The following CEP350 variants were observed in gnomAD, a reference collection of about 807,000 sequenced individuals.
CEP350 encodes the protein centrosomal protein 350.
In CEP350, 126 loss-of-function variants were observed where a neutral mutation model predicts 331.8. The ratio of observed to expected loss-of-function variants is 0.38; its 90% CI spans 0.33 to 0.44. CEP350 has a LOEUF of 0.44. Ranked by LOEUF, CEP350 falls within the 20% of genes least tolerant of loss-of-function variation. CEP350 has a pLI of 1.00. For synonymous variants in CEP350, 1,200 were observed against 1,259.5 expected (o/e 0.95, Z 1.00); for missense variants, 3,406 against 3,634.6 (o/e 0.94, Z 1.62).
intron 1 of CEP350, among the ~76,000 whole-genome samples, chr1:179,975,667 C>A (rs1651810234): frequency 1.3e-5 from 2 of 152,066 alleles, no homozygotes; most frequent in Admixed American, 6.5e-5. Flanking sequence ...GAATTGGATG[C>A]ATGTTAATCC....
intron 4 of CEP350, among the ~76,000 whole-genome samples, chr1:179,991,730 T>C: frequency 6.7e-6 from 1 of 149,302 alleles, no homozygotes; most frequent in African/African-American, 2.5e-5. Flanking sequence ...TATATACATT[T>C]TTTTTTAACC....
At position 180,093,924 on chromosome 1, in the gene CEP350, G is replaced by C; in HGVS notation, c.7819G>C (p.Asp2607His). The change falls in exon 34 of 38, where the codon GAT becomes CAT. Residue 2607 changes from aspartate (D) to histidine (H), a missense_variant. Around this residue, in one of 5 missense-constraint regions of CEP350, gnomAD observed 1,415 missense variants for 1,512.3 expected, o/e 0.94. Transcript: ENST00000367607. The stretch of plus-strand genomic sequence containing the variant: ...AGAGGGTCCAAAAGACAGAGAAAAG[G>C]ATGTCAGTGAATATTTTTATGAGAA... ...DTEGPKDREKDVSEYFYEKSL... is the reference protein window; with the variant it reads ...DTEGPKDREKHVSEYFYEKSL... 6.2e-7 allele frequency: 1 copy of C among 1,613,840 alleles called. No homozygotes were observed.
chr1:180,014,825 C>T (rs1654869518), intron 10 of CEP350, among the ~76,000 whole-genome samples: 1 of 152,190 alleles, frequency 6.6e-6, no homozygotes, highest in Non-Finnish European at 1.5e-5. Flanking sequence ...GTTGGGGTGC[C>T]AACCCCTTTG....
chr1:180,032,960 A>G (rs1656116994), intron 15 of CEP350, among the ~76,000 whole-genome samples: 1 of 152,176 alleles, frequency 6.6e-6, no homozygotes, highest in Admixed American at 6.5e-5. Flanking sequence ...AAATAAACAC[A>G]TGAGTGCCTC....
intron 31 of CEP350, among the ~76,000 whole-genome samples, chr1:180,085,114 TCCCTTTCCCTTCCCCTTTCCCCTTC>T (rs1223907891): frequency 1.3e-5 from 2 of 149,922 alleles, no homozygotes; most frequent in African/African-American, 4.9e-5. Flanking sequence ...CTTTCCCCTT[TCCCTTTCCCTTCCCCTTTCCCCTTC>T]CCTTCCCTTA....
chr1:180,107,831 A>AAAACG (rs1175762721), intron 37 of CEP350, among the ~76,000 whole-genome samples: 2 of 32,258 alleles, frequency 6.2e-5, no homozygotes, highest in Non-Finnish European at 2.4e-4. Context: ...TGCTCCCAAA[A>AAAACG]AAACAAAACA....
intron 11 of CEP350, 50 bp downstream of exon 11, chr1:180,016,020 G>A (rs1408452303): frequency 6.2e-7 from 1 of 1,605,920 alleles, no homozygotes; most frequent in African/African-American, 1.3e-5. Context: ...ATGAAATTTA[G>A]CGGAGTGGTC....
At chr1:180,053,701 T>A (rs781218211) in intron 23 of CEP350, 49 bp from the exon 24 acceptor site, 1 of 1,136,322 alleles carries the variant, frequency 8.8e-7, no homozygotes, top group East Asian at 2.4e-5. Context: ...TGGAATTAAG[T>A]ACCAAAAGGT....
At chr1:180,011,289 T>C (rs959313849) in intron 8 of CEP350, among the ~76,000 whole-genome samples, 3 of 151,270 alleles carry the variant, frequency 2.0e-5, no homozygotes, top group Admixed American at 1.3e-4. Context: ...CTCTTTGTTA[T>C]ATGTTTCCTC....
rs372043612 is a variant in CEP350 at position 180,086,627 on chromosome 1, T to C, written c.6286-951T>C. On this transcript the variant is annotated intron_variant, in intron 31 of 37. Coordinates refer to ENST00000367607, the MANE Select transcript of CEP350 (RefSeq NM_014810.5). ...TTGATCACAGATTTAATAAATGGAC[T>C]GCACTCATATATGTATAGCTTTCAG... is the stretch of plus-strand genomic sequence containing the variant. 1.2e-3 allele frequency among the ~76,000 whole-genome samples: 184 copies of C among 152,252 alleles called. 4 individuals carry two copies. In the South Asian group the frequency reaches 0.036, roughly 30 times the overall value.
rs1653144419 is a variant in CEP350, at chr1:179,992,143, C to G, written c.317C>G (p.Pro106Arg). The change falls in exon 5 of 38, where the codon CCT (proline) becomes CGT (arginine). Residue 106 changes from proline to arginine, a missense_variant. Transcript: ENST00000367607. ...TCACGAAAAGAGAAATCTCGTAGTC[C>G]TCTCAGGGCCACCACCCTGGAGAGT... ...TKSRKEKSRS[P>R]LRATTLESNV... The G allele has an allele frequency of 6.5e-7, 1 of 1,544,324 alleles. No individual in the cohort carries two copies. Among genetic ancestry groups the G allele is most frequent in the Non-Finnish European group, 8.7e-7 (1 of 1,148,352 alleles).
At chr1:179,987,213 TA>T in intron 2 of CEP350, 26 bp from the exon 3 acceptor site, 3 of 1,318,244 alleles carry the variant, frequency 2.3e-6, no homozygotes, top group South Asian at 1.3e-5. Flanking sequence ...GGTTGATTGA[TA>T]AAGTAAATAT....
intron 25 of CEP350, among the ~76,000 whole-genome samples, chr1:180,056,465 TCC>T (rs58710356): frequency 0.061 from 2,083 of 34,292 alleles, 79 homozygotes; most frequent in Middle Eastern, 0.074. Context: ...CTTCTGCCCC[TCC>T]CCCCCCCCCT....
At chr1:180,051,441 G>A (rs1657494607) in intron 22 of CEP350, among the ~76,000 whole-genome samples, 1 of 152,218 alleles carries the variant, frequency 6.6e-6, no homozygotes, top group Non-Finnish European at 1.5e-5. Context: ...TTTAGGCATT[G>A]GGGGAAGAGG....
intron 1 of CEP350, among the ~76,000 whole-genome samples, chr1:179,956,944 T>C (rs910531535): frequency 6.6e-6 from 1 of 152,094 alleles, no homozygotes; most frequent in African/African-American, 2.4e-5. Flanking sequence ...TATTAAAAAA[T>C]TATTCTATTT....
intron 17 of CEP350, among the ~76,000 whole-genome samples, chr1:180,039,982 C>G (rs1382675749): frequency 6.6e-6 from 1 of 151,924 alleles, no homozygotes; most frequent in Admixed American, 6.6e-5. Flanking sequence ...AGGTCTTATA[C>G]ATTTTAAAAT....
chr1:180,072,949 C>CT (rs2149052953), intron 27 of CEP350, among the ~76,000 whole-genome samples: 1 of 152,054 alleles, frequency 6.6e-6, no homozygotes, highest in Non-Finnish European at 1.5e-5. Flanking sequence ...TACTACTAGA[C>CT]TTTTTAATCC....
In CEP350 at chr1:180,020,383, A is replaced by G; in HGVS notation, c.2609A>G (p.Asp870Gly). 6.2e-7 allele frequency: 1 copy of G among 1,613,828 alleles called. No homozygotes were observed. Among genetic ancestry groups the G allele is most frequent in the Non-Finnish European group, 8.5e-7 (1 of 1,179,896 alleles). Residue 870 changes from aspartate to glycine, a missense_variant, in exon 12 of 38, where the codon GAT (aspartate) becomes GGT (glycine). This residue lies in a region of CEP350 where 1,857 missense variants were observed against 1,909.2 expected (regional missense o/e 0.97). Coordinates refer to ENST00000367607, the MANE Select transcript of CEP350 (RefSeq NM_014810.5). ...GATGTGCAGCAGGCACCTCAAGAAG[A>G]TGGACCTTGGACCAAGGCTGTAACT... ...EYDVQQAPQE[D>G]GPWTKAVTPP... is the part of the protein sequence containing the mutation.
rs752895982 is a variant in CEP350 at position 180,094,232 on chromosome 1, T to C, written c.8127T>C (p.Ala2709=). The part of the protein sequence containing the change: ...QFTEEEDNLY[A]EASEKLCTPL... ...CAGAAGAGGAAGACAACCTATATGC[T>C]GAAGCTTCAGAAAAGCTTTGTACAC... Residue 2709 remains alanine, a synonymous_variant, in exon 34 of 38, where the codon GCT becomes GCC. Transcript: ENST00000367607. 1.2e-6 allele frequency: 2 copies of C among 1,613,016 alleles called. No homozygotes were observed. Among genetic ancestry groups the C allele is most frequent in the South Asian group, 1.1e-5 (1 of 90,920 alleles).
Sources: allele counts gnomAD v4.1 joint callset (sites outside exome capture counted in the v4.1 genomes callset), GRCh38; gene constraint gnomAD v4.1.1; regional missense constraint gnomAD v4.1.1; transcripts MANE v1.5; gene names NCBI Gene and HGNC (gene_info 2026-07-23, HGNC 2026-07-21).